PATL2: variants seen among roughly 807,000 people sequenced by gnomAD.
PATL2 encodes PAT1 homolog 2.
Under a neutral mutation model 77.0 loss-of-function variants are expected in PATL2, and 73 were observed. The observed-to-expected ratio is 0.95, with a 90% CI of 0.78 to 1.15. The LOEUF is 1.15. PATL2 is among the 50% of genes most tolerant of loss of function. The probability of loss-of-function intolerance (pLI) is 0.00; values close to 1 mark genes in which losing one functional copy is unlikely to be tolerated. For missense variants in PATL2, 618 were observed against 655.4 expected (o/e 0.94, Z 0.62); for synonymous variants, 265 against 257.1 (o/e 1.03, Z -0.29).
chr15:44,666,954 G>T, intron 16 of PATL2, 152 bp downstream of exon 16: 1 of 649,672 alleles, frequency 1.5e-6, no homozygotes, highest in Non-Finnish European at 2.7e-6. Context: ...GGGCACTATA[G>T]AAAAAAAGCA....
intron 3 of PATL2, among the ~76,000 whole-genome samples, chr15:44,689,430 C>T (rs372657402): frequency 7.2e-5 from 11 of 152,072 alleles, no homozygotes; most frequent in African/African-American, 2.4e-4. Context: ...ACTGCAGCAC[C>T]GTTCACAACA....
chr15:44,686,531 T>C (rs1162772995), intron 3 of PATL2, among the ~76,000 whole-genome samples: 1 of 152,052 alleles, frequency 6.6e-6, no homozygotes, highest in East Asian at 1.9e-4. Context: ...ATTCAAAAGC[T>C]AGCAGAAGAC....
At chr15:44,708,864 G>A (rs1468457757) in intron 3 of PATL2, among the ~76,000 whole-genome samples, 1 of 152,112 alleles carries the variant, frequency 6.6e-6, no homozygotes, top group Non-Finnish European at 1.5e-5. Context: ...GCCAGTGTAT[G>A]TTTAACTTTA....
chr15:44,696,009 C>G (rs2086495657), intron 3 of PATL2, among the ~76,000 whole-genome samples: 1 of 152,106 alleles, frequency 6.6e-6, no homozygotes, highest in African/African-American at 2.4e-5. Flanking sequence ...GTCAGCTCCA[C>G]AAGCTGGAAA....
At chr15:44,697,939 A>C (rs1008644449) in intron 3 of PATL2, among the ~76,000 whole-genome samples, 3 of 151,828 alleles carry the variant, frequency 2.0e-5, no homozygotes, top group Non-Finnish European at 2.9e-5. Context: ...GGCTCTTGCT[A>C]TGTTGCCCAG....
chr15:44,704,231 G>A (rs986811543), intron 3 of PATL2, among the ~76,000 whole-genome samples: 1 of 150,340 alleles, frequency 6.7e-6, no homozygotes, highest in Non-Finnish European at 1.5e-5. Context: ...TTCCAGGCTG[G>A]TTTCAAACTC....
At position 44,674,214 on chromosome 15, in the gene PATL2, G is replaced by A. The variant is rs779312411; in HGVS notation, c.239C>T (p.Ser80Phe). Residue 80 changes from serine (S) to phenylalanine (F), a missense_variant, in exon 6 of 18, where the codon TCC becomes TTC. Physicochemically the swap from Ser to Phe is radical, Grantham distance 155. Transcript: ENST00000682850. ...VHNTQRALLS[S>F]PGVKAPGMLG... Reference sequence around the variant, plus strand: ...CATACCAGGGGCCTTGACTCCAGGGGAGCTAAGCAGAGCTCTCTGGAACAG... The same window carrying A: ...CATACCAGGGGCCTTGACTCCAGGGAAGCTAAGCAGAGCTCTCTGGAACAG... The A allele has an allele frequency of 6.5e-7, 1 of 1,548,742 alleles. No homozygotes were observed. The highest frequency in any genetic ancestry group is 8.7e-7 in the Non-Finnish European group (1 of 1,144,408).
intron 3 of PATL2, among the ~76,000 whole-genome samples, chr15:44,695,451 G>A (rs2086484259): frequency 6.6e-6 from 1 of 152,102 alleles, no homozygotes; most frequent in Non-Finnish European, 1.5e-5. Flanking sequence ...GCTGGCCAAG[G>A]GGAAAGTTCA....
intron 3 of PATL2, among the ~76,000 whole-genome samples, chr15:44,681,503 C>T (rs538736710): frequency 6.6e-6 from 1 of 152,268 alleles, no homozygotes; most frequent in East Asian, 1.9e-4. Context: ...TTTCCTGCTC[C>T]CCTCATCTTC....
chr15:44,675,362 A>T, intron 5 of PATL2, 124 bp downstream of exon 5: 1 of 1,134,278 alleles, frequency 8.8e-7, no homozygotes, highest in Non-Finnish European at 1.2e-6. Context: ...AGGCTTAAAA[A>T]GAAAGTGTTA....
chr15:44,665,812 A>T lies in PATL2; in HGVS notation c.*141T>A, dbSNP rs186338121. On this transcript the variant is annotated 3_prime_UTR_variant, in exon 18 of 18. Transcript: ENST00000682850. ...CATCATTTAGATTTTTGAAGAAAGGATATGAAAATGGGGAAGGGTTCTCCA... is the reference window on the plus strand; with the variant it reads ...CATCATTTAGATTTTTGAAGAAAGGTTATGAAAATGGGGAAGGGTTCTCCA... 3.5e-3 allele frequency: 5,319 copies of T among 1,522,328 alleles called. 10 individuals carry two copies. The highest frequency in any genetic ancestry group is 4.3e-3 in the Non-Finnish European group (4,901 of 1,136,830). The allele number at this position is 1,522,328 out of a possible 1,614,324, so 94.3% of individuals were successfully genotyped here. A position where few individuals can be genotyped will look rare whatever the true frequency, so the allele number is the denominator to read the frequency against.
At chr15:44,668,788 G>A (rs538953399) in intron 14 of PATL2, among the ~76,000 whole-genome samples, 192 bp downstream of exon 14, 11 of 152,246 alleles carry the variant, frequency 7.2e-5, no homozygotes, top group Admixed American at 2.0e-4. Flanking sequence ...CTTTTTGTTC[G>A]TCATACCTGA....
intron 16 of PATL2, chr15:44,666,845 G>A: frequency 1.9e-6 from 1 of 518,470 alleles, no homozygotes; most frequent in East Asian, 3.2e-5. Context: ...TTGCTAGTAA[G>A]TGATACAGCC....
Position 44,673,184 on chromosome 15 carries a change from C to T in PATL2, c.446+51G>A, listed in dbSNP as rs540184122. ...CAACTGGTAGGCATGGTCCCCGCCC[C>T]TCCTCAGCCAGCACCTCCTGAGACC... On this transcript the variant is annotated intron_variant, in intron 7 of 17. Transcript: ENST00000682850. The T allele has an allele frequency of 1.2e-5, 19 of 1,543,062 alleles. No individual in the cohort carries two copies. In the East Asian group the frequency reaches 4.2e-4, roughly 34 times the overall value.
At chr15:44,698,871 A>C (rs2086569874) in intron 3 of PATL2, among the ~76,000 whole-genome samples, 1 of 152,172 alleles carries the variant, frequency 6.6e-6, no homozygotes, top group South Asian at 2.1e-4. Flanking sequence ...CAGTGTATGA[A>C]GGTTCCCCTT....
chr15:44,688,535 G>C (rs558340438), intron 3 of PATL2, among the ~76,000 whole-genome samples: 1 of 152,172 alleles, frequency 6.6e-6, no homozygotes, highest in Admixed American at 6.5e-5. Flanking sequence ...GAACTGAACA[G>C]AGGCCTCAGA....
At chr15:44,690,734 G>A (rs2086372104) in intron 3 of PATL2, among the ~76,000 whole-genome samples, 1 of 152,060 alleles carries the variant, frequency 6.6e-6, no homozygotes, top group Non-Finnish European at 1.5e-5. Flanking sequence ...TAAGAGTTCA[G>A]AAAAAGAGAT....
intron 3 of PATL2, among the ~76,000 whole-genome samples, chr15:44,684,828 T>C (rs968162669): frequency 6.6e-6 from 1 of 151,960 alleles, no homozygotes; most frequent in Non-Finnish European, 1.5e-5. Flanking sequence ...AAGGAAAAAA[T>C]GTTAAGAGCA....
intron 3 of PATL2, among the ~76,000 whole-genome samples, chr15:44,696,682 T>C (rs1332773955): frequency 1.9e-4 from 29 of 151,990 alleles, no homozygotes; most frequent in Non-Finnish European, 1.5e-5. Flanking sequence ...AGATTTTTTT[T>C]CCCCCTCCAA....
Sources: allele counts gnomAD v4.1 joint callset (sites outside exome capture counted in the v4.1 genomes callset), GRCh38; gene constraint gnomAD v4.1.1; transcripts MANE v1.5; gene names NCBI Gene and HGNC (gene_info 2026-07-23, HGNC 2026-07-21).